WWOX: variants seen among roughly 807,000 people sequenced by gnomAD.
The protein encoded by WWOX is WW domain-containing oxidoreductase.
In WWOX, 69 loss-of-function variants were observed where a neutral mutation model predicts 46.2. The ratio of observed to expected loss-of-function variants is 1.49; its 90% CI spans 1.23 to 1.82. The LOEUF (loss-of-function observed/expected upper bound fraction) is 1.82. WWOX is among the 40% of genes most tolerant of loss of function. The pLI is 0.00. For synonymous variants in WWOX, 359 were observed against 202.6 expected (o/e 1.77, Z -6.56); for missense variants, 919 against 542.6 (o/e 1.69, Z -6.89).
rs558242191 is a variant in WWOX, at chr16:78,678,287, G to A, written c.1056+245535G>A. Among the ~76,000 whole-genome samples, 11 of 152,278 alleles carry A rather than the reference G, an allele frequency of 7.2e-5. No homozygotes were observed. The East Asian group carries it at 1.9e-3, about 27-fold the overall frequency. ...GCTACTCAGGAGGCTGAGACAGGAGGATCGCTTGAGCCCAGGAGGTCAAGG... is the reference window on the plus strand; with the variant it reads ...GCTACTCAGGAGGCTGAGACAGGAGAATCGCTTGAGCCCAGGAGGTCAAGG... On this transcript the variant is annotated intron_variant, in intron 8 of 8. Transcript: ENST00000566780.
chr16:78,630,773 A>T (rs1353980632), intron 8 of WWOX, among the ~76,000 whole-genome samples: 1 of 152,160 alleles, frequency 6.6e-6, no homozygotes, highest in East Asian at 1.9e-4. Context: ...TTGGCGTTTC[A>T]GTGCCTGACA....
intron 8 of WWOX, among the ~76,000 whole-genome samples, chr16:78,671,394 C>A (rs993505857): frequency 3.3e-5 from 5 of 152,034 alleles, no homozygotes; most frequent in Admixed American, 6.6e-5. Flanking sequence ...CACTGCACTC[C>A]GGCCTGGGTG....
At chr16:78,254,260 G>T (rs2038063573) in intron 5 of WWOX, among the ~76,000 whole-genome samples, 1 of 151,654 alleles carries the variant, frequency 6.6e-6, no homozygotes, top group African/African-American at 2.4e-5. Flanking sequence ...GAGATTGGTG[G>T]CAGGGTTGGA....
At chr16:79,086,141 TG>T (rs1567539965) in intron 8 of WWOX, among the ~76,000 whole-genome samples, 1 of 152,122 alleles carries the variant, frequency 6.6e-6, no homozygotes, top group Non-Finnish European at 1.5e-5. Flanking sequence ...CTGCTCTCAA[TG>T]TTCTTTAAAC....
intron 8 of WWOX, among the ~76,000 whole-genome samples, chr16:78,577,443 A>C (rs1017961019): frequency 6.6e-6 from 1 of 152,178 alleles, no homozygotes; most frequent in Non-Finnish European, 1.5e-5. Flanking sequence ...CGAGCAAATC[A>C]TTTAGCTGGC....
chr16:78,967,085 C>G (rs1234581249), intron 8 of WWOX, among the ~76,000 whole-genome samples: 1 of 152,096 alleles, frequency 6.6e-6, no homozygotes, highest in Admixed American at 6.6e-5. Context: ...CTAGAACTTT[C>G]CCCATAGTCA....
At chr16:78,565,118 C>T (rs992586740) in intron 8 of WWOX, among the ~76,000 whole-genome samples, 1 of 152,214 alleles carries the variant, frequency 6.6e-6, no homozygotes, top group Non-Finnish European at 1.5e-5. Flanking sequence ...ATCAGAGCAG[C>T]ATAGCAGAGT....
At chr16:78,347,806 T>C (rs1221334887) in intron 5 of WWOX, among the ~76,000 whole-genome samples, 3 of 122,242 alleles carry the variant, frequency 2.5e-5, no homozygotes, top group South Asian at 2.4e-4. Context: ...TCTGGCCTTT[T>C]TTCTTATCTC....
intron 8 of WWOX, among the ~76,000 whole-genome samples, chr16:78,808,199 C>T (rs1321319079): frequency 6.6e-6 from 1 of 152,172 alleles, no homozygotes; most frequent in Non-Finnish European, 1.5e-5. Context: ...TTTAACCCCT[C>T]TGAATATGCT....
rs556896325 is a variant in WWOX, at chr16:78,349,450, T to C, written c.517-37410T>C. ...GCCTAATGTTTGCACGGGGATATCA[T>C]GCTTTTCAGAGACCATCTGCATCCT... is the stretch of plus-strand genomic sequence containing the variant. On this transcript the variant is annotated intron_variant, in intron 5 of 8. Transcript: ENST00000566780. Among the ~76,000 whole-genome samples, 16 of 121,062 alleles carry C rather than the reference T, an allele frequency of 1.3e-4. 1 individual carries two copies. The South Asian group carries it at 4.0e-3, about 30-fold the overall frequency. The allele number at this position is 121,062 out of a possible 152,430, so 79.4% of individuals were successfully genotyped here.
At chr16:78,838,009 A>C (rs1461318298) in intron 8 of WWOX, among the ~76,000 whole-genome samples, 1 of 152,192 alleles carries the variant, frequency 6.6e-6, no homozygotes, top group Non-Finnish European at 1.5e-5. Flanking sequence ...TGCACCTCCC[A>C]AGGCTATTCT....
At chr16:79,132,216 A>G (rs908811702) in intron 8 of WWOX, among the ~76,000 whole-genome samples, 3 of 151,984 alleles carry the variant, frequency 2.0e-5, no homozygotes, top group Admixed American at 1.3e-4. Flanking sequence ...TCATATTTAA[A>G]TCATTGCTGC....
chr16:78,457,661 C>T (rs1284181630), intron 8 of WWOX, among the ~76,000 whole-genome samples: 1 of 152,056 alleles, frequency 6.6e-6, no homozygotes, highest in Non-Finnish European at 1.5e-5. Context: ...TGCCTGTAAT[C>T]CCAGCACTTT....
At chr16:78,151,092 G>T (rs9745781) in intron 4 of WWOX, among the ~76,000 whole-genome samples, 1 of 150,284 alleles carries the variant, frequency 6.7e-6, no homozygotes, top group African/African-American at 2.5e-5. Context: ...GTCCAGGCTG[G>T]TCTCAAACCC....
At chr16:79,127,995 A>G (rs1445835460) in intron 8 of WWOX, among the ~76,000 whole-genome samples, 1 of 152,184 alleles carries the variant, frequency 6.6e-6, no homozygotes, top group African/African-American at 2.4e-5. Flanking sequence ...AGAGAGAGAA[A>G]GTGCATGGCA....
intron 8 of WWOX, among the ~76,000 whole-genome samples, chr16:78,807,497 G>A (rs1382622972): frequency 2.0e-5 from 3 of 152,198 alleles, no homozygotes; most frequent in Non-Finnish European, 4.4e-5. Context: ...AAGGGCCCGG[G>A]TTTATTTTAA....
intron 5 of WWOX, among the ~76,000 whole-genome samples, chr16:78,232,321 C>T (rs935325345): frequency 6.6e-6 from 1 of 152,142 alleles, no homozygotes; most frequent in Admixed American, 6.6e-5. Flanking sequence ...AGAGTTTCTA[C>T]GTGATCTTAT....
chr16:79,018,770 G>A (rs2047468897), intron 8 of WWOX, among the ~76,000 whole-genome samples: 1 of 152,134 alleles, frequency 6.6e-6, no homozygotes. Context: ...GTGGTTCTGT[G>A]CTAAATACAG....
intron 8 of WWOX, among the ~76,000 whole-genome samples, chr16:78,513,677 G>A (rs976674387): frequency 6.6e-6 from 1 of 152,304 alleles, no homozygotes; most frequent in South Asian, 2.1e-4. Context: ...AAAGGATTCT[G>A]TGTCAAAACT....
Sources: allele counts gnomAD v4.1 joint callset (sites outside exome capture counted in the v4.1 genomes callset), GRCh38; gene constraint gnomAD v4.1.1; transcripts MANE v1.5; gene names NCBI Gene and HGNC (gene_info 2026-07-23, HGNC 2026-07-21).